Variants in TIA1 observed in about 807,000 individuals in gnomAD.
TIA1 encodes the protein cytotoxic granule associated RNA binding protein TIA1.
TIA1 carries 23 observed loss-of-function variants against 65.9 expected under a neutral mutation model. That is an observed-to-expected ratio of 0.35 (90% CI 0.25 to 0.49). The LOEUF (loss-of-function observed/expected upper bound fraction) is 0.49, where lower values mean the gene tolerates loss of function less well. TIA1 is among the 20% of genes least tolerant of loss of function. TIA1 has a pLI of 0.98. For missense variants in TIA1, 371 were observed against 477.9 expected, an observed-to-expected ratio of 0.78 and a Z score of 2.09; for synonymous variants, 147 against 149.4, an observed-to-expected ratio of 0.98 and a Z score of 0.12.
chr2:70,238,454 G>A (rs866624151), intron 1 of TIA1, among the ~76,000 whole-genome samples: 1 of 151,218 alleles, frequency 6.6e-6, no homozygotes, highest in African/African-American at 2.4e-5. Context: ...TATATTTTTG[G>A]TAGAGACGGG....
chr2:70,229,018 T>C (rs746902648), intron 5 of TIA1, 41 bp downstream of exon 5: 2 of 1,481,300 alleles, frequency 1.4e-6, no homozygotes, highest in East Asian at 5.7e-5. Context: ...GTGAATACCC[T>C]TTCAAGAGAT....
chr2:70,214,372 C>T lies in TIA1; in HGVS notation c.1011G>A (p.Gln337=). ...WQVPAYGMYG[Q]AWNQQGFNQT... ...ACTTAAATCCTTGCTGGTTCCATGC[C>T]TGGCCATACATTCCATATGCAGGAA... The change falls in exon 12 of 13, where the codon CAG becomes CAA. Residue 337 remains glutamine (Q), a synonymous_variant. Transcript: ENST00000433529. 3 of 1,613,146 alleles carry T rather than the reference C, an allele frequency of 1.9e-6. No homozygotes were observed. The highest frequency in any genetic ancestry group is 2.5e-6 in the Non-Finnish European group (3 of 1,179,652).
intron 7 of TIA1, among the ~76,000 whole-genome samples, chr2:70,223,920 A>C (rs1211349392): frequency 6.6e-6 from 1 of 151,310 alleles, no homozygotes; most frequent in Non-Finnish European, 1.5e-5. Context: ...CAGTATTTTT[A>C]TTTATTTATT....
At chr2:70,242,567 A>G (rs1692365518) in intron 1 of TIA1, among the ~76,000 whole-genome samples, 1 of 151,672 alleles carries the variant, frequency 6.6e-6, no homozygotes, top group Non-Finnish European at 1.5e-5. Context: ...AAAACGATGA[A>G]TAGTTTTTTA....
In TIA1 at chr2:70,216,223, C is replaced by T. The variant is rs1678581938; in HGVS notation, c.749G>A (p.Gly250Glu). Residue 250 changes from glycine (G) to glutamate (E), a missense_variant, in exon 10 of 13, where the codon GGA (glycine) becomes GAA (glutamate). Coordinates refer to ENST00000433529, the MANE Select transcript of TIA1 (RefSeq NM_022173.4). ...CCATCCCTACCGAACAAATGAATAT[C>T]CTTTATCTGGAAAGACTCGAATTTC... is the stretch of plus-strand genomic sequence containing the variant. ...IMEIRVFPDK[G>E]YSFVRFNSHE... 1.3e-6 allele frequency: 2 copies of T among 1,587,948 alleles called. No homozygotes were observed. Among genetic ancestry groups the T allele is most frequent in the African/African-American group, 1.4e-5 (1 of 73,024 alleles).
intron 1 of TIA1, among the ~76,000 whole-genome samples, chr2:70,240,816 G>A (rs940246547): frequency 6.6e-6 from 1 of 152,046 alleles, no homozygotes; most frequent in African/African-American, 2.4e-5. Context: ...ACATTGCAGT[G>A]AGCTCATATT....
intron 2 of TIA1, among the ~76,000 whole-genome samples, chr2:70,231,135 TA>T (rs199760704): frequency 7.3e-5 from 11 of 150,802 alleles, no homozygotes; most frequent in Non-Finnish European, 4.4e-5. Flanking sequence ...CTGTCTCTAT[TA>T]AAAAAAAATA....
chr2:70,232,101 C>T (rs1203570351), intron 2 of TIA1, among the ~76,000 whole-genome samples: 1 of 149,390 alleles, frequency 6.7e-6, no homozygotes, highest in Non-Finnish European at 1.5e-5. Flanking sequence ...ACTCAGGAGG[C>T]TAAGGCAGGA....
intron 10 of TIA1, 113 bp downstream of exon 10, chr2:70,216,095 C>T (rs1355913355): frequency 7.0e-6 from 7 of 1,004,942 alleles, no homozygotes; most frequent in Non-Finnish European, 1.0e-5. Flanking sequence ...TTTAAGAAAA[C>T]GAGGTAAATG....
At chr2:70,236,793 A>AT (rs577936677) in intron 1 of TIA1, among the ~76,000 whole-genome samples, 85 of 152,028 alleles carry the variant, frequency 5.6e-4, no homozygotes, top group African/African-American at 2.1e-3. Flanking sequence ...TATCTGGCTA[A>AT]TTTTTTTACA....
intron 1 of TIA1, among the ~76,000 whole-genome samples, chr2:70,244,599 G>A (rs1030625487): frequency 6.6e-6 from 1 of 151,944 alleles, no homozygotes; most frequent in East Asian, 1.9e-4. Flanking sequence ...ACTTTGGGAG[G>A]CTGAGGCAGG....
At chr2:70,225,460 C>T (rs1683394507) in intron 6 of TIA1, 1 of 1,275,320 alleles carries the variant, frequency 7.8e-7, no homozygotes, top group Non-Finnish European at 1.0e-6. Context: ...GCTAAAACTC[C>T]ATACCTCAAA....
chr2:70,223,840 T>G (rs1682637658), intron 7 of TIA1, among the ~76,000 whole-genome samples: 1 of 152,168 alleles, frequency 6.6e-6, no homozygotes, highest in South Asian at 2.1e-4. Context: ...CCTCCCAAAG[T>G]GCTGAGGTTA....
At chr2:70,236,540 G>A (rs1032349502) in intron 1 of TIA1, among the ~76,000 whole-genome samples, 1 of 151,650 alleles carries the variant, frequency 6.6e-6, no homozygotes, top group Non-Finnish European at 1.5e-5. Context: ...TGCTCAGGCT[G>A]CTCTCAAACT....
chr2:70,239,669 C>T (rs951445957), intron 1 of TIA1, among the ~76,000 whole-genome samples: 4 of 152,158 alleles, frequency 2.6e-5, no homozygotes, highest in African/African-American at 7.2e-5. Flanking sequence ...GTGCTTAACA[C>T]GAAGCCTTTG....
At chr2:70,216,066 T>A (rs1261921132) in intron 10 of TIA1, 142 bp downstream of exon 10, 8 of 870,114 alleles carry the variant, frequency 9.2e-6, no homozygotes, top group Non-Finnish European at 1.4e-5. Context: ...TTTCAACTTT[T>A]TTATAACCAA....
chr2:70,225,225 A>AT, intron 6 of TIA1: 3 of 1,099,334 alleles, frequency 2.7e-6, no homozygotes, highest in Non-Finnish European at 3.4e-6. Flanking sequence ...ACAAGAAAAG[A>AT]TTTTACACTG....
At chr2:70,213,340 CTTTT>C (rs1477566353) in intron 12 of TIA1, among the ~76,000 whole-genome samples, 1 of 149,080 alleles carries the variant, frequency 6.7e-6, no homozygotes, top group Non-Finnish European at 1.5e-5. Context: ...ATTTTCTTTT[CTTTT>C]CTTTTTTTTT....
In TIA1 at chr2:70,237,870, G is replaced by A. The variant is rs1269079058; in HGVS notation, c.27-1695C>T. Among the ~76,000 whole-genome samples the A allele has an allele frequency of 1.8e-3, 258 of 141,492 alleles. 7 individuals carry two copies. The highest frequency in any genetic ancestry group is 0.018 in the Admixed American group (251 of 13,994). The allele number at this position is 141,492 out of a possible 152,430, so 92.8% of individuals were successfully genotyped here. The stretch of plus-strand genomic sequence containing the variant: ...GACGGAGCAAGACTGTCTTTAAAAA[G>A]AAAAAAAAAGGCTGGGTGCGGTGGC... On this transcript the variant is annotated intron_variant, in intron 1 of 12. Coordinates refer to ENST00000433529, the MANE Select transcript of TIA1 (RefSeq NM_022173.4).
Sources: gnomAD v4.1 joint callset for allele counts (sites outside exome capture counted in the v4.1 genomes callset) on GRCh38, gnomAD v4.1.1 for gene constraint, MANE v1.5 for transcripts, NCBI Gene and HGNC (gene_info 2026-07-23, HGNC 2026-07-21) for gene names.